The following DVL3 variants were observed in gnomAD, a reference collection of about 807,000 sequenced individuals.
DVL3 encodes segment polarity protein dishevelled homolog DVL-3.
DVL3 carries 27 observed loss-of-function variants against 67.4 expected under a neutral mutation model. The observed-to-expected ratio is 0.40, with a 90% CI of 0.30 to 0.55. The LOEUF is 0.55. DVL3 is among the 20% of genes least tolerant of loss of function. The probability of loss-of-function intolerance (pLI) is 0.46; values close to 1 mark genes in which losing one functional copy is unlikely to be tolerated. For missense variants in DVL3, 819 were observed against 1,021.5 expected, an observed-to-expected ratio of 0.80 and a Z score of 2.70; for synonymous variants, 369 against 396.8, an observed-to-expected ratio of 0.93 and a Z score of 0.83.
chr3:184,156,191 G>A (rs1714181472), intron 1 of DVL3, among the ~76,000 whole-genome samples: 1 of 152,108 alleles, frequency 6.6e-6, no homozygotes, highest in African/African-American at 2.4e-5. Context: ...CTTGGGTCGT[G>A]TGGCCCTCGT....
At chr3:184,168,476 TCCCTCAAAA>T (rs1212316452) in intron 13 of DVL3, among the ~76,000 whole-genome samples, 3 of 152,144 alleles carry the variant, frequency 2.0e-5, no homozygotes, top group African/African-American at 7.2e-5. Flanking sequence ...ACACAGTCAT[TCCCTCAAAA>T]CAAACAGCCT....
intron 1 of DVL3, among the ~76,000 whole-genome samples, chr3:184,159,578 A>T (rs1199856556): frequency 1.5e-5 from 1 of 66,386 alleles, no homozygotes; most frequent in Non-Finnish European, 3.4e-5. Flanking sequence ...TAGCCAAGCT[A>T]GTCACGAACT....
rs1356063767 is a variant in DVL3 at position 184,170,470 on chromosome 3, C to G, written c.1866C>G (p.Ser622Arg). Reference sequence around the variant, plus strand: ...GGGGGCCGCGGGAGCGGGCGCCCAGCGAGCGCTCAGGGCCGGCGGCCAGCG... The same window carrying G: ...GGGGGCCGCGGGAGCGGGCGCCCAGGGAGCGCTCAGGGCCGGCGGCCAGCG... ...SLRGPRERAPSERSGPAASEH... is the reference protein window; with the variant it reads ...SLRGPRERAPRERSGPAASEH... The change falls in exon 15 of 15, where the codon AGC (serine) becomes AGG (arginine). Residue 622 changes from serine to arginine, a missense_variant. By Grantham distance (110) the Ser-to-Arg change is moderately radical. This residue lies in a region of DVL3 where 324 missense variants were observed against 331.3 expected (regional missense o/e 0.98). Transcript: ENST00000313143. This position sits in a 1 kb window ranked among gnomAD's most constrained non-coding sequence, Gnocchi z 6.5. 2 of 1,587,274 alleles carry G rather than the reference C, an allele frequency of 1.3e-6. No individual in the cohort carries two copies. The highest frequency in any genetic ancestry group is 1.7e-4 in the Middle Eastern group (1 of 6,020).
chr3:184,168,074 C>G lies in DVL3; in HGVS notation c.1498+9C>G, dbSNP rs1475522798. 1.9e-6 allele frequency: 3 copies of G among 1,610,030 alleles called. No homozygotes were observed. The highest frequency in any genetic ancestry group is 2.5e-6 in the Non-Finnish European group (3 of 1,176,742). On this transcript the variant is annotated intron_variant, in intron 13 of 14. Transcript: ENST00000313143. ...CGGTGACCTCTGCGGCAGTATGTGC[C>G]TCCCTCATCTTCTTGCCCTGTCTCC...
chr3:184,158,769 A>C lies in DVL3; in HGVS notation c.161+2973A>C, dbSNP rs547720585. 6.8e-5 allele frequency among the ~76,000 whole-genome samples: 10 copies of C among 147,456 alleles called. No individual in the cohort carries two copies. The South Asian group carries it at 2.2e-3, about 32-fold the overall frequency. On this transcript the variant is annotated intron_variant, in intron 1 of 14. Coordinates refer to ENST00000313143, the MANE Select transcript of DVL3 (RefSeq NM_004423.4). Reference sequence around the variant, plus strand: ...CAGGGTAGGCCCAGCCATCTTTTTAAATTTTTTTTCTTTTTTTTTTTTTTT... The same window carrying C: ...CAGGGTAGGCCCAGCCATCTTTTTACATTTTTTTTCTTTTTTTTTTTTTTT...
Position 184,167,057 on chromosome 3 carries a change from C to G in DVL3, c.1198+82C>G. Reference sequence around the variant, plus strand: ...ATGAGGGTCCATGTGGAGACTCTTGCTTGAGCATCAGAGAGGGCTGGAGAT... The same window carrying G: ...ATGAGGGTCCATGTGGAGACTCTTGGTTGAGCATCAGAGAGGGCTGGAGAT... On this transcript the variant is annotated intron_variant, in intron 11 of 14. Transcript: ENST00000313143. This position sits in a 1 kb window ranked among gnomAD's most constrained non-coding sequence, Gnocchi z 4.6. 6.6e-7 allele frequency: 1 copy of G among 1,524,500 alleles called. No individual in the cohort carries two copies. Among genetic ancestry groups the G allele is most frequent in the Non-Finnish European group, 8.9e-7 (1 of 1,120,408 alleles). The allele number at this position is 1,524,500 out of a possible 1,614,324, so 94.4% of individuals were successfully genotyped here. A position where few individuals can be genotyped will look rare whatever the true frequency, so the allele number is the denominator to read the frequency against.
Position 184,167,587 on chromosome 3 carries a change from C to T in DVL3, c.1206C>T (p.Asp402=), listed in dbSNP as rs778878747. 43 of 1,613,584 alleles carry T rather than the reference C, an allele frequency of 2.7e-5. No homozygotes were observed. The highest frequency in any genetic ancestry group is 3.5e-5 in the Non-Finnish European group (41 of 1,180,028). The stretch of plus-strand genomic sequence containing the variant: ...TCTGCCTCCCACCCCCAGGCCTAGA[C>T]GACTTCCACTTGTCCATCCACAGTG... The part of the protein sequence containing the change: ...TSSIPDTERL[D]DFHLSIHSDM... The change falls in exon 12 of 15, where the codon GAC becomes GAT. Residue 402 remains aspartate, a synonymous_variant. Coordinates refer to ENST00000313143, the MANE Select transcript of DVL3 (RefSeq NM_004423.4). This position sits in a 1 kb window ranked among gnomAD's most constrained non-coding sequence, Gnocchi z 4.6.
chr3:184,166,834 A>G lies in DVL3; in HGVS notation c.1057A>G (p.Ile353Val), dbSNP rs1577050255. 6.2e-7 allele frequency: 1 copy of G among 1,613,998 alleles called. No homozygotes were observed. Among genetic ancestry groups the G allele is most frequent in the Non-Finnish European group, 8.5e-7 (1 of 1,179,964 alleles). ...GCFTLPRSEP[I>V]RPIDPAAWVS... ...CCTCATCCTCCCTGCAGGCGAGCCCATCCGGCCCATTGACCCTGCGGCCTG... is the reference window on the plus strand; with the variant it reads ...CCTCATCCTCCCTGCAGGCGAGCCCGTCCGGCCCATTGACCCTGCGGCCTG... The change falls in exon 11 of 15, where the codon ATC becomes GTC. Residue 353 changes from isoleucine (I) to valine (V), a missense_variant. Ile to Val is a conservative substitution (Grantham distance 29). Coordinates refer to ENST00000313143, the MANE Select transcript of DVL3 (RefSeq NM_004423.4). This position sits in a 1 kb window ranked among gnomAD's most constrained non-coding sequence, Gnocchi z 6.7.
chr3:184,167,878 A>T lies in DVL3; in HGVS notation c.1331-20A>T. ...CCAAGTCAGATGGGCCTCCCCATCA[A>T]CTGGCAGCCTTGTCCCCAGGCTCAG... On this transcript the variant is annotated intron_variant, in intron 12 of 14. Coordinates refer to ENST00000313143, the MANE Select transcript of DVL3 (RefSeq NM_004423.4). The surrounding 1 kb of genome is among the most constrained non-coding windows in gnomAD (Gnocchi z 4.6). The T allele has an allele frequency of 6.2e-7, 1 of 1,614,220 alleles. No homozygotes were observed. Among genetic ancestry groups the T allele is most frequent in the African/African-American group, 1.3e-5 (1 of 75,072 alleles).
chr3:184,169,335 T>A (rs1714715673), intron 13 of DVL3, among the ~76,000 whole-genome samples: 1 of 152,234 alleles, frequency 6.6e-6, no homozygotes, highest in African/African-American at 2.4e-5. Flanking sequence ...GGCTGTCTAG[T>A]ATTTCAGCCT....
chr3:184,169,614 G>A (rs1222220734), intron 13 of DVL3, among the ~76,000 whole-genome samples: 1 of 152,188 alleles, frequency 6.6e-6, no homozygotes, highest in Non-Finnish European at 1.5e-5. Flanking sequence ...CTTAAACCAG[G>A]GAGGAAGAGG....
Position 184,167,731 on chromosome 3 carries a change from G to T in DVL3, c.1330+20G>T. On this transcript the variant is annotated intron_variant, in intron 12 of 14. Coordinates refer to ENST00000313143, the MANE Select transcript of DVL3 (RefSeq NM_004423.4). The surrounding 1 kb of genome is among the most constrained non-coding windows in gnomAD (Gnocchi z 4.6). ...TCATCGGTGAGAGAGCCCCATGGTG[G>T]GATGCAGGGTGGGTGGGGAGTGATG... is the stretch of plus-strand genomic sequence containing the variant. 1 of 1,602,976 alleles carries T rather than the reference G, an allele frequency of 6.2e-7. No homozygotes were observed. The highest frequency in any genetic ancestry group is 1.1e-5 in the South Asian group (1 of 88,732).
chr3:184,166,876 G>A lies in DVL3; in HGVS notation c.1099G>A (p.Ala367Thr), dbSNP rs1714610962. Reference sequence around the variant, plus strand: ...TGCGGCCTGGGTCTCCCACACTGCAGCCATGACCGGCACCTTCCCTGCATA... The same window carrying A: ...TGCGGCCTGGGTCTCCCACACTGCAACCATGACCGGCACCTTCCCTGCATA... ...DPAAWVSHTA[A>T]MTGTFPAYGM... Residue 367 changes from alanine to threonine, a missense_variant, in exon 11 of 15, where the codon GCC becomes ACC. Transcript: ENST00000313143. This position sits in a 1 kb window ranked among gnomAD's most constrained non-coding sequence, Gnocchi z 6.7. 1 of 1,614,000 alleles carries A rather than the reference G, an allele frequency of 6.2e-7. No individual in the cohort carries two copies. The highest frequency in any genetic ancestry group is 1.3e-5 in the African/African-American group (1 of 74,904).
chr3:184,162,718 G>A (rs545571174), intron 1 of DVL3, among the ~76,000 whole-genome samples: 2 of 151,944 alleles, frequency 1.3e-5, no homozygotes, highest in Non-Finnish European at 2.9e-5. Context: ...GTAGATGTCA[G>A]AGCTGGAATT....
Position 184,166,812 on chromosome 3 carries a change from C to T in DVL3, c.1049-14C>T, listed in dbSNP as rs1323638012. On this transcript the variant is annotated splice_polypyrimidine_tract_variant and intron_variant, in intron 10 of 14. Coordinates refer to ENST00000313143, the MANE Select transcript of DVL3 (RefSeq NM_004423.4). This position sits in a 1 kb window ranked among gnomAD's most constrained non-coding sequence, Gnocchi z 6.7. Reference sequence around the variant, plus strand: ...GTGGGGTGGGTAGCCCATGACTCCTCATCCTCCCTGCAGGCGAGCCCATCC... The same window carrying T: ...GTGGGGTGGGTAGCCCATGACTCCTTATCCTCCCTGCAGGCGAGCCCATCC... The T allele has an allele frequency of 2.5e-6, 4 of 1,613,656 alleles. No homozygotes were observed. Among genetic ancestry groups the T allele is most frequent in the African/African-American group, 2.7e-5 (2 of 74,904 alleles).
chr3:184,166,376 C>A lies in DVL3; in HGVS notation c.904-70C>A, dbSNP rs1714589988. The stretch of plus-strand genomic sequence containing the variant: ...TCTTGGTTGGGGGAAGACTCCCTGA[C>A]CTACCAAGTTGAGTTCCCTTTTCAT... On this transcript the variant is annotated intron_variant, in intron 8 of 14. Coordinates refer to ENST00000313143, the MANE Select transcript of DVL3 (RefSeq NM_004423.4). The surrounding 1 kb of genome is among the most constrained non-coding windows in gnomAD (Gnocchi z 6.7). The A allele has an allele frequency of 6.2e-7, 1 of 1,610,682 alleles. No individual in the cohort carries two copies. The highest frequency in any genetic ancestry group is 2.2e-5 in the East Asian group (1 of 44,854).
chr3:184,164,812 A>T lies in DVL3; in HGVS notation c.480A>T (p.Gly160=), dbSNP rs1279523963. 1 of 1,614,042 alleles carries T rather than the reference A, an allele frequency of 6.2e-7. No homozygotes were observed. Among genetic ancestry groups the T allele is most frequent in the East Asian group, 2.2e-5 (1 of 44,880 alleles). ...DGPEHATRLN[G]TAKGERRREP... is the part of the protein sequence containing the mutation. ...CCCCTGCAGCAACCCGGCTAAATGG[A>T]ACTGCGAAGGGGGAACGGCGGCGAG... is the stretch of plus-strand genomic sequence containing the variant. Residue 160 remains glycine, a synonymous_variant, in exon 5 of 15, where the codon GGA becomes GGT. Transcript: ENST00000313143. The surrounding 1 kb of genome is among the most constrained non-coding windows in gnomAD (Gnocchi z 5.3).
At chr3:184,168,171 GC>G in intron 13 of DVL3, 106 bp downstream of exon 13, 1 of 1,339,230 alleles carries the variant, frequency 7.5e-7, no homozygotes, top group Non-Finnish European at 1.0e-6. Flanking sequence ...GGACAGCAGA[GC>G]CAGGGGCCCA....
At chr3:184,160,484 TGGTAGAATTGGAATTTGA>T (rs1360152438) in intron 1 of DVL3, among the ~76,000 whole-genome samples, 1 of 151,900 alleles carries the variant, frequency 6.6e-6, no homozygotes, top group Non-Finnish European at 1.5e-5. Flanking sequence ...GGCCAGTAAG[TGGTAGAATTGGAATTTGA>T]GTCATTATTT....
Sources: allele counts gnomAD v4.1 joint callset (sites outside exome capture counted in the v4.1 genomes callset), GRCh38; gene constraint gnomAD v4.1.1; regional missense constraint gnomAD v4.1.1; non-coding constraint Gnocchi (gnomAD v3.1); transcripts MANE v1.5; gene names NCBI Gene and HGNC (gene_info 2026-07-23, HGNC 2026-07-21).